Variants in ZNF514 observed in about 807,000 individuals in gnomAD.
The protein encoded by ZNF514 is zinc finger protein 514.
Under a neutral mutation model 9.7 loss-of-function variants are expected in ZNF514, and 12 were observed. The observed-to-expected ratio is 1.24, with a 90% CI of 0.79 to 2.01. ZNF514 has a LOEUF of 2.01. Ranked by LOEUF, ZNF514 falls within the 30% of genes most tolerant of loss-of-function variation. The pLI, the probability that ZNF514 is intolerant of heterozygous loss-of-function variation, is 0.00. For missense variants in ZNF514, 467 were observed against 465.5 expected (o/e 1.00, Z -0.03); for synonymous variants, 158 against 163.7 (o/e 0.97, Z 0.27).
chr2:95,158,953 CCA>C (rs1673761464), intron 1 of ZNF514: 3 of 1,289,652 alleles, frequency 2.3e-6, no homozygotes, highest in Non-Finnish European at 3.0e-6. Flanking sequence ...TCTGCACGCT[CCA>C]GAGCCAAACC....
In ZNF514 at chr2:95,149,008, C is replaced by T; in HGVS notation, c.*274G>A. Reference sequence around the variant, plus strand: ...CCTCCCCAGTGTCGGCTGTCTGATGCTGAATAATATGCATCCTCTGATCAA... The same window carrying T: ...CCTCCCCAGTGTCGGCTGTCTGATGTTGAATAATATGCATCCTCTGATCAA... On this transcript the variant is annotated 3_prime_UTR_variant, in exon 5 of 5. Transcript: ENST00000295208. 1 of 388,564 alleles carries T rather than the reference C, an allele frequency of 2.6e-6. No homozygotes were observed. Among genetic ancestry groups the T allele is most frequent in the Admixed American group, 4.1e-5 (1 of 24,126 alleles). The allele number at this position is 388,564 out of a possible 1,614,324, so 24.1% of individuals were successfully genotyped here. A position where few individuals can be genotyped will look rare whatever the true frequency, so the allele number is the denominator to read the frequency against.
the ZNF514 span, among the ~76,000 whole-genome samples, chr2:95,125,544 A>C: frequency 9.9e-5 from 15 of 152,256 alleles, no homozygotes; most frequent in African/African-American, 3.4e-4. Context: ...GGACCATCTT[A>C]ATCATTTTTA....
At chr2:95,124,463 T>TGTCTCA in the ZNF514 span, among the ~76,000 whole-genome samples, 1 of 152,180 alleles carries the variant, frequency 6.6e-6, no homozygotes, top group East Asian at 1.9e-4. Context: ...GACATTTAGT[T>TGTCTCA]TGTCTCATAT....
At position 95,149,681 on chromosome 2, in the gene ZNF514, G is replaced by C. The variant is rs568542517; in HGVS notation, c.804C>G (p.Ala268=). 1 of 1,614,216 alleles carries C rather than the reference G, an allele frequency of 6.2e-7. No individual in the cohort carries two copies. The highest frequency in any genetic ancestry group is 1.3e-5 in the African/African-American group (1 of 75,052). The change falls in exon 5 of 5, where the codon GCC becomes GCG. Residue 268 remains alanine, a synonymous_variant. Coordinates refer to ENST00000295208, the MANE Select transcript of ZNF514 (RefSeq NM_032788.3). The stretch of plus-strand genomic sequence containing the variant: ...GAACAAGAGACGAACTCTGGCTGAA[G>C]GCTCTCCCACATTCACTGCATTCAT... The part of the protein sequence containing the change: ...KPYECSECGR[A]FSQSSSLVLH...
rs892060034 is a variant in ZNF514 at position 95,149,036 on chromosome 2, C to A, written c.*246G>T. 2 of 479,688 alleles carry A rather than the reference C, an allele frequency of 4.2e-6. No individual in the cohort carries two copies. The highest frequency in any genetic ancestry group is 3.9e-5 in the African/African-American group (2 of 51,194). The allele number at this position is 479,688 out of a possible 1,614,324, so 29.7% of individuals were successfully genotyped here. ...AATAATATGCATCCTCTGATCAAAG[C>A]GTTCCCACATTCATTACATTCACGT... On this transcript the variant is annotated 3_prime_UTR_variant, in exon 5 of 5. Transcript: ENST00000295208.
rs748541395 is a variant in ZNF514, at chr2:95,150,177, T to C, written c.308A>G (p.His103Arg). 1.9e-6 allele frequency: 3 copies of C among 1,609,666 alleles called. No individual in the cohort carries two copies. Among genetic ancestry groups the C allele is most frequent in the Non-Finnish European group, 2.5e-6 (3 of 1,179,986 alleles). The change falls in exon 5 of 5, where the codon CAC (histidine) becomes CGC (arginine). Residue 103 changes from histidine (H) to arginine (R), a missense_variant. Coordinates refer to ENST00000295208, the MANE Select transcript of ZNF514 (RefSeq NM_032788.3). ...ELFQVVSVEKHIQDVLQFSKL... is the reference protein window; with the variant it reads ...ELFQVVSVEKRIQDVLQFSKL... ...CGAGAACTGCAGCACATCTTGAATG[T>C]GTTTTTCCACTGATACTACCTGGAA...
At chr2:95,158,578 G>C (rs1161472366) in intron 1 of ZNF514, among the ~76,000 whole-genome samples, 5 of 152,224 alleles carry the variant, frequency 3.3e-5, no homozygotes, top group Admixed American at 2.6e-4. Flanking sequence ...AGGTGATTAA[G>C]GAGGTGGATG....
At chr2:95,158,427 C>G (rs949373633) in intron 1 of ZNF514, among the ~76,000 whole-genome samples, 1 of 152,226 alleles carries the variant, frequency 6.6e-6, no homozygotes, top group African/African-American at 2.4e-5. Flanking sequence ...AAACTTAGGA[C>G]TGGCTTAAAA....
chr2:95,158,853 G>C (rs1468884085), intron 1 of ZNF514: 1 of 1,289,148 alleles, frequency 7.8e-7, no homozygotes, highest in Non-Finnish European at 1.0e-6. Context: ...ATGAAGTACA[G>C]CCTCACCCTT....
chr2:95,131,104 C>T, the ZNF514 span, among the ~76,000 whole-genome samples: 1 of 152,198 alleles, frequency 6.6e-6, no homozygotes, highest in Non-Finnish European at 1.5e-5. Flanking sequence ...GGAGGATAGA[C>T]AGATTGACAG....
rs531767391 is a variant in ZNF514 at position 95,145,144 on chromosome 2, T to C, written c.*4138A>G. On this transcript the variant is annotated 3_prime_UTR_variant, in exon 5 of 5. Coordinates refer to ENST00000295208, the MANE Select transcript of ZNF514 (RefSeq NM_032788.3). ...ATGTGACATGAAGCAGCTGATAGTC[T>C]ATGTAAGTCAAAAATAAAATTCTAA... Among the ~76,000 whole-genome samples, 1 of 152,304 alleles carries C rather than the reference T, an allele frequency of 6.6e-6. No individual in the cohort carries two copies. Among genetic ancestry groups the C allele is most frequent in the East Asian group, 1.9e-4 (1 of 5,184 alleles).
chr2:95,135,867 C>T, the ZNF514 span, among the ~76,000 whole-genome samples: 3 of 151,730 alleles, frequency 2.0e-5, no homozygotes, highest in Admixed American at 1.3e-4. Flanking sequence ...GTGAAGAGAT[C>T]GAGACCATCC....
chr2:95,153,139 T>C lies in ZNF514; in HGVS notation c.115A>G (p.Ile39Val), dbSNP rs770152476. The C allele has an allele frequency of 1.2e-6, 2 of 1,612,030 alleles. No homozygotes were observed. The highest frequency in any genetic ancestry group is 1.7e-4 in the Middle Eastern group (1 of 6,050). The change falls in exon 3 of 5, where the codon ATT becomes GTT. Residue 39 changes from isoleucine to valine, a missense_variant. By Grantham distance (29) the Ile-to-Val change is conservative. Coordinates refer to ENST00000295208, the MANE Select transcript of ZNF514 (RefSeq NM_032788.3). ...VMLENFRNLA[I>V]LGLLVSKPYV... Reference sequence around the variant, plus strand: ...TTGGAGGGCTTGTGCTCACCCAGAATGGCCAAGTTCCTGAAGTTCTCCAGC... The same window carrying C: ...TTGGAGGGCTTGTGCTCACCCAGAACGGCCAAGTTCCTGAAGTTCTCCAGC...
chr2:95,143,243 T>C (rs566669062), downstream of ZNF514, among the ~76,000 whole-genome samples: 16 of 152,350 alleles, frequency 1.1e-4, no homozygotes, highest in South Asian at 3.1e-3. Context: ...AGGGAAGTCC[T>C]TGACAGTCTT....
chr2:95,150,159 T>A lies in ZNF514; in HGVS notation c.326A>T (p.Gln109Leu). ...SVEKHIQDVL[Q>L]FSKLKAACGC... ...GCAGGCTGCTTTCAACTTCGAGAAC[T>A]GCAGCACATCTTGAATGTGTTTTTC... is the stretch of plus-strand genomic sequence containing the variant. Residue 109 changes from glutamine (Q) to leucine (L), a missense_variant, in exon 5 of 5, where the codon CAG becomes CTG. Gln to Leu is a moderately radical substitution (Grantham distance 113). Transcript: ENST00000295208. The A allele has an allele frequency of 1.9e-6, 3 of 1,610,474 alleles. No homozygotes were observed. The highest frequency in any genetic ancestry group is 2.5e-6 in the Non-Finnish European group (3 of 1,179,992).
At chr2:95,132,386 G>C in the ZNF514 span, among the ~76,000 whole-genome samples, 3 of 152,068 alleles carry the variant, frequency 2.0e-5, no homozygotes, top group Non-Finnish European at 4.4e-5. Context: ...CACCATATTA[G>C]CCATTAGGGA....
intron 4 of ZNF514, among the ~76,000 whole-genome samples, chr2:95,151,827 A>C (rs994346126): frequency 6.6e-6 from 1 of 152,224 alleles, no homozygotes; most frequent in Admixed American, 6.5e-5. Flanking sequence ...GACTAGATCC[A>C]GATGTCAGAC....
chr2:95,125,432 G>GA, the ZNF514 span, among the ~76,000 whole-genome samples: 1 of 151,736 alleles, frequency 6.6e-6, no homozygotes, highest in Non-Finnish European at 1.5e-5. Context: ...GTAGAGACAG[G>GA]TTTCACCATG....
At position 95,149,553 on chromosome 2, in the gene ZNF514, G is replaced by A. The variant is rs1198536421; in HGVS notation, c.932C>T (p.Thr311Ile). 2 of 1,613,848 alleles carry A rather than the reference G, an allele frequency of 1.2e-6. No homozygotes were observed. The highest frequency in any genetic ancestry group is 2.7e-5 in the African/African-American group (2 of 74,828). ...SSLIKHQRTH[T>I]GEKPYECREC... Reference sequence around the variant, plus strand: ...CCGGCATTCATAGGGCTTTTCTCCAGTATGAGTCCTCTGATGCTTAATAAG... The same window carrying A: ...CCGGCATTCATAGGGCTTTTCTCCAATATGAGTCCTCTGATGCTTAATAAG... Residue 311 changes from threonine to isoleucine, a missense_variant, in exon 5 of 5, where the codon ACT becomes ATT. Coordinates refer to ENST00000295208, the MANE Select transcript of ZNF514 (RefSeq NM_032788.3).
Sources: gnomAD v4.1 joint callset for allele counts (sites outside exome capture counted in the v4.1 genomes callset) on GRCh38, gnomAD v4.1.1 for gene constraint, MANE v1.5 for transcripts, NCBI Gene and HGNC (gene_info 2026-07-23, HGNC 2026-07-21) for gene names.